Variants in BACE2 observed in about 807,000 individuals in gnomAD.
The protein encoded by BACE2 is 56 kDa aspartic-like protease.
Under a neutral mutation model 46.2 loss-of-function variants are expected in BACE2, and 17 were observed. The ratio of observed to expected loss-of-function variants is 0.37; its 90% CI spans 0.25 to 0.55. The LOEUF (loss-of-function observed/expected upper bound fraction) is 0.55. Ranked by LOEUF, BACE2 falls within the 20% of genes least tolerant of loss-of-function variation. BACE2 has a pLI of 0.82. For synonymous variants in BACE2, 277 were observed against 295.9 expected (o/e 0.94, Z 0.66); for missense variants, 595 against 698.1 (o/e 0.85, Z 1.66).
chr21:41,204,722 G>A (rs532037039), intron 1 of BACE2, among the ~76,000 whole-genome samples: 4 of 152,190 alleles, frequency 2.6e-5, no homozygotes, highest in East Asian at 1.9e-4. Context: ...TAAAGCAAAC[G>A]TCTGTATTTT....
At chr21:41,179,451 G>A (rs767963612) in intron 1 of BACE2, 43 of 1,336,246 alleles carry the variant, frequency 3.2e-5, no homozygotes, top group Non-Finnish European at 4.1e-5. Context: ...TCCAGGGTGA[G>A]TGAGGGTGTC....
At chr21:41,190,794 C>T (rs557754292) in intron 1 of BACE2, among the ~76,000 whole-genome samples, 47 of 152,276 alleles carry the variant, frequency 3.1e-4, no homozygotes, top group African/African-American at 1.1e-3. Context: ...CTCTTCCTTA[C>T]CTCCATTGTG....
intron 6 of BACE2, among the ~76,000 whole-genome samples, chr21:41,246,828 C>T (rs945356939): frequency 2.6e-5 from 4 of 152,088 alleles, no homozygotes; most frequent in East Asian, 1.9e-4. Flanking sequence ...GGATGCCTGG[C>T]GAGGGGTTTT....
chr21:41,254,184 A>C lies in BACE2; in HGVS notation c.1135-2974A>C, dbSNP rs1455167258. On this transcript the variant is annotated intron_variant, in intron 7 of 8. Coordinates refer to ENST00000330333, the MANE Select transcript of BACE2 (RefSeq NM_012105.5). ...ATTACTTTAAACTTTGTCTATACCC[A>C]ACACTATTTTCCAAAAGCCCATGGG... Among the ~76,000 whole-genome samples the C allele has an allele frequency of 2.0e-5, 3 of 152,342 alleles. No homozygotes were observed. In the East Asian group the frequency reaches 5.8e-4, roughly 29 times the overall value.
At chr21:41,206,713 T>C (rs371468230) in intron 1 of BACE2, among the ~76,000 whole-genome samples, 23 of 152,342 alleles carry the variant, frequency 1.5e-4, no homozygotes, top group African/African-American at 3.4e-4. Context: ...GTGATGATGA[T>C]GGTTACACAA....
At chr21:41,218,768 C>T (rs1423476232) in intron 1 of BACE2, among the ~76,000 whole-genome samples, 1 of 151,634 alleles carries the variant, frequency 6.6e-6, no homozygotes, top group Non-Finnish European at 1.5e-5. Flanking sequence ...TGTAAAATTA[C>T]AAAAAGGCAT....
At chr21:41,213,503 G>A (rs910527818) in intron 1 of BACE2, among the ~76,000 whole-genome samples, 1 of 152,180 alleles carries the variant, frequency 6.6e-6, no homozygotes, top group African/African-American at 2.4e-5. Context: ...GGCTGGGCAC[G>A]GTGGCTCACG....
At chr21:41,232,704 C>A (rs1388659724) in intron 2 of BACE2, among the ~76,000 whole-genome samples, 1 of 152,136 alleles carries the variant, frequency 6.6e-6, no homozygotes, top group Admixed American at 6.5e-5. Flanking sequence ...TCGCCCTCCA[C>A]CTTGAGTGGA....
rs549639705 is a variant in BACE2, at chr21:41,250,795, C to T, written c.1028C>T (p.Ala343Val). The change falls in exon 7 of 9, where the codon GCG (alanine) becomes GTG (valine). Residue 343 changes from alanine to valine, a missense_variant. This residue lies in a region of BACE2 where 343 missense variants were observed against 419.4 expected (regional missense o/e 0.82). Coordinates refer to ENST00000330333, the MANE Select transcript of BACE2 (RefSeq NM_012105.5). ...SDGFWTGSQL[A>V]CWTNSETPWS... ...GGTTTCTGGACTGGGTCCCAGCTGG[C>T]GTGCTGGACGAATTCGGAAACACCT... 7.4e-6 allele frequency: 12 copies of T among 1,614,128 alleles called. No homozygotes were observed. In the African/African-American group the frequency reaches 1.1e-4, roughly 14 times the overall value.
rs116215569 is a variant in BACE2, at chr21:41,249,029, G to A, written c.985-1723G>A. ...ACGTGATCCCATCCTTAGCCTCATC[G>A]ATACCTCCTGCTCACCTGTCAGTGC... is the stretch of plus-strand genomic sequence containing the variant. On this transcript the variant is annotated intron_variant, in intron 6 of 8. Coordinates refer to ENST00000330333, the MANE Select transcript of BACE2 (RefSeq NM_012105.5). 9.0e-3 allele frequency among the ~76,000 whole-genome samples: 1,367 copies of A among 152,222 alleles called. 31 individuals are homozygous for A. The highest frequency in any genetic ancestry group is 0.03 in the African/African-American group (1,246 of 41,512).
intron 8 of BACE2, 86 bp downstream of exon 8, chr21:41,257,412 C>G: frequency 7.1e-7 from 1 of 1,405,998 alleles, no homozygotes. Flanking sequence ...TTGATGGCAA[C>G]TCAATTACCA....
At chr21:41,238,532 A>G (rs1281002251) in intron 3 of BACE2, among the ~76,000 whole-genome samples, 1 of 152,150 alleles carries the variant, frequency 6.6e-6, no homozygotes, top group Non-Finnish European at 1.5e-5. Context: ...TATTCACAAT[A>G]GCAAAGACTT....
chr21:41,211,529 C>T (rs1237196074), intron 1 of BACE2, among the ~76,000 whole-genome samples: 2 of 152,196 alleles, frequency 1.3e-5, no homozygotes, highest in African/African-American at 4.8e-5. Flanking sequence ...ATTTCTAGAA[C>T]TGAAGCGCTG....
chr21:41,188,388 C>T lies in BACE2; in HGVS notation c.312+19813C>T, dbSNP rs570241490. ...AGGCCTAGGGAGAGGCAGGGTGTTC[C>T]ATGGTTGGCAGGCCTATGCAAACCA... On this transcript the variant is annotated intron_variant, in intron 1 of 8. Transcript: ENST00000330333. Among the ~76,000 whole-genome samples, 14 of 152,264 alleles carry T rather than the reference C, an allele frequency of 9.2e-5. 1 individual carries two copies. The South Asian group carries it at 2.9e-3, about 32-fold the overall frequency.
chr21:41,188,311 T>C (rs1447780297), intron 1 of BACE2, among the ~76,000 whole-genome samples: 1 of 152,188 alleles, frequency 6.6e-6, no homozygotes, highest in African/African-American at 2.4e-5. Context: ...CCTGGGTTTA[T>C]GAATCATGAG....
chr21:41,175,918 A>G (rs1422175097), intron 1 of BACE2: 1 of 152,056 alleles, frequency 6.6e-6, no homozygotes, highest in Non-Finnish European at 1.5e-5. Context: ...CTTTTTTTGA[A>G]TCAGAAAAGC....
At chr21:41,202,141 C>T (rs918150777) in intron 1 of BACE2, among the ~76,000 whole-genome samples, 9 of 152,112 alleles carry the variant, frequency 5.9e-5, no homozygotes, top group Non-Finnish European at 7.4e-5. Context: ...CAGGCATGAC[C>T]GTAGTGAGCT....
At chr21:41,244,882 AGTGTGTGTGTATGTGT>A (rs1160305106) in intron 5 of BACE2, among the ~76,000 whole-genome samples, 1 of 122,112 alleles carries the variant, frequency 8.2e-6, no homozygotes, top group Non-Finnish European at 1.8e-5. Flanking sequence ...TGTGTGTGTG[AGTGTGTGTGTATGTGT>A]GTGTGTGTGT....
In BACE2 at chr21:41,243,244, T is replaced by C. The variant is rs1052027807; in HGVS notation, c.748-132T>C. ...TATTTTTTAAGCATTGATATTTGTTTCATGACATTGTCACGAAGTAGAAGC... is the reference window on the plus strand; with the variant it reads ...TATTTTTTAAGCATTGATATTTGTTCCATGACATTGTCACGAAGTAGAAGC... On this transcript the variant is annotated intron_variant, in intron 4 of 8. Coordinates refer to ENST00000330333, the MANE Select transcript of BACE2 (RefSeq NM_012105.5). The C allele has an allele frequency of 4.1e-6, 3 of 736,504 alleles. No homozygotes were observed. The African/African-American group carries it at 5.6e-5, about 14-fold the overall frequency. The allele number at this position is 736,504 out of a possible 1,614,324, so 45.6% of individuals were successfully genotyped here. A position where few individuals can be genotyped will look rare whatever the true frequency, so the allele number is the denominator to read the frequency against.
Sources: allele counts gnomAD v4.1 joint callset (sites outside exome capture counted in the v4.1 genomes callset), GRCh38; gene constraint gnomAD v4.1.1; regional missense constraint gnomAD v4.1.1; transcripts MANE v1.5; gene names NCBI Gene and HGNC (gene_info 2026-07-23, HGNC 2026-07-21).